CELSR1: variants seen among roughly 807,000 people sequenced by gnomAD.
CELSR1 encodes adhesion G protein-coupled receptor C1.
Under a neutral mutation model 249.1 loss-of-function variants are expected in CELSR1, and 110 were observed. The ratio of observed to expected loss-of-function variants is 0.44; its 90% confidence interval spans 0.38 to 0.52. The LOEUF is 0.52. CELSR1 is among the 20% of genes least tolerant of loss of function. The pLI, the probability that CELSR1 is intolerant of heterozygous loss-of-function variation, is 0.00. For synonymous variants in CELSR1, 2,113 were observed against 1,900.0 expected (o/e 1.11, Z -2.92); for missense variants, 4,109 against 4,296.4 (o/e 0.96, Z 1.22).
chr22:46,365,291 C>T lies in CELSR1; in HGVS notation c.8494G>A (p.Gly2832Arg). Residue 2832 changes from glycine to arginine, a missense_variant, in exon 32 of 35, where the codon GGG becomes AGG. Gly to Arg is a moderately radical substitution (Grantham distance 125, BLOSUM62 -2). Coordinates refer to ENST00000674500, the MANE Select transcript of CELSR1 (RefSeq NM_001378328.1). ...SSHSSDSEDD[G>R]VGAEEKWDPA... ...TCCCATTTTTCCTCAGCTCCCACCCCATCGTCCTCGCTGTCTGACGAGTGT... is the reference window on the plus strand; with the variant it reads ...TCCCATTTTTCCTCAGCTCCCACCCTATCGTCCTCGCTGTCTGACGAGTGT... 6.2e-7 allele frequency: 1 copy of T among 1,612,954 alleles called. No individual in the cohort carries two copies. Among genetic ancestry groups the T allele is most frequent in the South Asian group, 1.1e-5 (1 of 91,086 alleles).
In CELSR1 at chr22:46,364,755, G is replaced by C; in HGVS notation, c.8555-19C>G. On this transcript the variant is annotated intron_variant, in intron 32 of 34. Coordinates refer to ENST00000674500, the MANE Select transcript of CELSR1 (RefSeq NM_001378328.1). ...GCGTCCCCTGAGGCACGAGAGCGGT[G>C]CTCAGCAGGCAGCGGCACTGCCACT... The C allele has an allele frequency of 6.2e-7, 1 of 1,604,382 alleles. No homozygotes were observed. Among genetic ancestry groups the C allele is most frequent in the South Asian group, 1.1e-5 (1 of 90,368 alleles).
At position 46,381,860 on chromosome 22, in the gene CELSR1, G is replaced by A; in HGVS notation, c.7074C>T (p.Asp2358=). ...CCAGGCCTTACCGGAGGCTGCGACG[G>A]TCGGGGTCGTAGCGCTCGGGCAGGA... ...GQLLPERYDP[D]RRSLRLPHRP... Residue 2358 remains aspartate (D), a synonymous_variant, in exon 21 of 35, where the codon GAC becomes GAT. Coordinates refer to ENST00000674500, the MANE Select transcript of CELSR1 (RefSeq NM_001378328.1). This position sits in a 1 kb window ranked among gnomAD's most constrained non-coding sequence, Gnocchi z 6.0. 2 of 1,560,670 alleles carry A rather than the reference G, an allele frequency of 1.3e-6. No individual in the cohort carries two copies. The highest frequency in any genetic ancestry group is 2.4e-5 in the East Asian group (1 of 42,186).
chr22:46,376,993 G>C (rs1569114244), intron 24 of CELSR1, 68 bp downstream of exon 24: 6 of 1,540,214 alleles, frequency 3.9e-6, no homozygotes, highest in Non-Finnish European at 5.3e-6. Flanking sequence ...GGAGTGGCCA[G>C]GACAGGACTA....
Position 46,536,523 on chromosome 22 carries a change from C to A in CELSR1, c.648G>T (p.Pro216=), listed in dbSNP as rs747249392. The change falls in exon 1 of 35, where the codon CCG becomes CCT. Residue 216 remains proline (P), a synonymous_variant. Coordinates refer to ENST00000674500, the MANE Select transcript of CELSR1 (RefSeq NM_001378328.1). ...GTPSASPSPS[P]PLPPNLPEAR... is the part of the protein sequence containing the mutation. ...CTTCGGGCAAGTTCGGCGGCAGGGG[C>A]GGCGATGGGGATGGCGACGCGGAGG... 3 of 1,471,902 alleles carry A rather than the reference C, an allele frequency of 2.0e-6. No homozygotes were observed. Among genetic ancestry groups the A allele is most frequent in the Middle Eastern group, 1.8e-4 (1 of 5,444 alleles). 91.2% of individuals were successfully genotyped at this position (1,471,902 alleles called of 1,614,324 possible).
chr22:46,517,397 T>A lies in CELSR1; in HGVS notation c.3544+16230A>T, dbSNP rs914964201. Among the ~76,000 whole-genome samples, 1 of 152,220 alleles carries A rather than the reference T, an allele frequency of 6.6e-6. No homozygotes were observed. Among genetic ancestry groups the A allele is most frequent in the Non-Finnish European group, 1.5e-5 (1 of 68,048 alleles). ...CACCGGTTTCCTGCCTACGGGGTCA[T>A]CCCGGCCTGGTTTTCCCCCAAAACA... On this transcript the variant is annotated intron_variant, in intron 1 of 34. Transcript: ENST00000674500. The surrounding 1 kb of genome is among the most constrained non-coding windows in gnomAD (Gnocchi z 5.4).
Position 46,460,178 on chromosome 22 carries a change from A to AACACAC in CELSR1, c.4183+3523_4183+3528dup, listed in dbSNP as rs544352270. Among the ~76,000 whole-genome samples the AACACAC allele has an allele frequency of 3.6e-3, 372 of 103,034 alleles. 1 individual carries two copies. Among genetic ancestry groups the AACACAC allele is most frequent in the Middle Eastern group, 9.9e-3 (2 of 202 alleles). The allele number at this position is 103,034 out of a possible 152,430, so 67.6% of individuals were successfully genotyped here. A position where few individuals can be genotyped will look rare whatever the true frequency, so the allele number is the denominator to read the frequency against. On this transcript the variant is annotated intron_variant, in intron 2 of 34. Transcript: ENST00000674500. ...GTGACACAGTGAGACTCAGTCTCAAAACACACACACACACACACACACACA... is the reference window on the plus strand; with the variant it reads ...GTGACACAGTGAGACTCAGTCTCAAAACACACACACACACACACACACACACACACA...
At chr22:46,449,217 C>T (rs1156577360) in intron 2 of CELSR1, among the ~76,000 whole-genome samples, 2 of 151,672 alleles carry the variant, frequency 1.3e-5, no homozygotes, top group South Asian at 2.1e-4. Context: ...ATCCGACCAC[C>T]CATCACACAT....
intron 1 of CELSR1, among the ~76,000 whole-genome samples, chr22:46,485,096 C>T (rs952124184): frequency 6.6e-6 from 1 of 152,076 alleles, no homozygotes; most frequent in Admixed American, 6.6e-5. Flanking sequence ...GCAGGCCTCC[C>T]CGTGAAAACA....
Position 46,537,096 on chromosome 22 carries a change from C to T in CELSR1, c.75G>A (p.Gly25=). The T allele has an allele frequency of 1.9e-6, 2 of 1,042,368 alleles. No homozygotes were observed. Among genetic ancestry groups the T allele is most frequent in the Non-Finnish European group, 1.1e-6 (1 of 870,076 alleles). The allele number at this position is 1,042,368 out of a possible 1,614,324, so 64.6% of individuals were successfully genotyped here. The part of the protein sequence containing the change: ...LAAAAALPAM[G]LRAAAWEPRV... ...GCGGCTCCCAGGCGGCCGCTCGCAG[C>T]CCCATCGCCGGCAGGGCGGCGGCGG... is the stretch of plus-strand genomic sequence containing the variant. Residue 25 remains glycine (G), a synonymous_variant, in exon 1 of 35, where the codon GGG becomes GGA. Transcript: ENST00000674500. The surrounding 1 kb of genome is among the most constrained non-coding windows in gnomAD (Gnocchi z 5.8).
Position 46,411,090 on chromosome 22 carries a change from T to A in CELSR1, c.4769+512A>T, listed in dbSNP as rs1465218465. On this transcript the variant is annotated intron_variant, in intron 6 of 34. Coordinates refer to ENST00000674500, the MANE Select transcript of CELSR1 (RefSeq NM_001378328.1). This position sits in a 1 kb window ranked among gnomAD's most constrained non-coding sequence, Gnocchi z 4.2. ...GGTGCATGCCTGTAGTCCCAGCTAC[T>A]CGGGAGGCTGTGGCAGGAGGATGGC... Among the ~76,000 whole-genome samples, 3 of 152,128 alleles carry A rather than the reference T, an allele frequency of 2.0e-5. No homozygotes were observed. The highest frequency in any genetic ancestry group is 7.2e-5 in the African/African-American group (3 of 41,510).
intron 19 of CELSR1, 129 bp from the exon 20 acceptor site, chr22:46,384,815 A>C (rs1005328501): frequency 2.0e-6 from 2 of 1,017,174 alleles, no homozygotes; most frequent in East Asian, 5.7e-5. Flanking sequence ...TTTGAGGTGG[A>C]GTCTCGCAGT....
At chr22:46,404,466 G>C (rs8140573) in intron 9 of CELSR1, among the ~76,000 whole-genome samples, 18,695 of 152,070 alleles carry the variant, frequency 0.12, 1,538 homozygotes, top group African/African-American at 0.23. Context: ...TGCTAACCTA[G>C]AAATCTACTT....
chr22:46,410,620 C>G lies in CELSR1; in HGVS notation c.4770-59G>C, dbSNP rs112515960. On this transcript the variant is annotated intron_variant, in intron 6 of 34. Coordinates refer to ENST00000674500, the MANE Select transcript of CELSR1 (RefSeq NM_001378328.1). This position sits in a 1 kb window ranked among gnomAD's most constrained non-coding sequence, Gnocchi z 6.8. ...GGCGGGGAGAGGCGGCCACGGCGGG[C>G]TGGGCTCCGCAGTTGCCTCTGTGTA... is the stretch of plus-strand genomic sequence containing the variant. The G allele has an allele frequency of 7.6e-3, 11,980 of 1,573,902 alleles. 728 individuals carry two copies. The African/African-American group carries it at 0.14, about 18-fold the overall frequency.
rs916087739 is a variant in CELSR1 at position 46,527,005 on chromosome 22, C to T, written c.3544+6622G>A. On this transcript the variant is annotated intron_variant, in intron 1 of 34. Coordinates refer to ENST00000674500, the MANE Select transcript of CELSR1 (RefSeq NM_001378328.1). This position sits in a 1 kb window ranked among gnomAD's most constrained non-coding sequence, Gnocchi z 5.5. ...CCCAGAGCCAGTTTTTTCTGGAAGG[C>T]ACAGACAGGGAACATGCCTTAGGAG... Among the ~76,000 whole-genome samples the T allele has an allele frequency of 3.9e-5, 6 of 152,180 alleles. No individual in the cohort carries two copies. The highest frequency in any genetic ancestry group is 1.2e-4 in the African/African-American group (5 of 41,442).
At chr22:46,524,209 G>GT (rs1440763984) in intron 1 of CELSR1, among the ~76,000 whole-genome samples, 1 of 152,194 alleles carries the variant, frequency 6.6e-6, no homozygotes, top group Non-Finnish European at 1.5e-5. Flanking sequence ...TGGGGATCCT[G>GT]TAAGATTTCA....
At position 46,535,318 on chromosome 22, in the gene CELSR1, C is replaced by A. The variant is rs1463157041; in HGVS notation, c.1853G>T (p.Gly618Val). The change falls in exon 1 of 35, where the codon GGG (glycine) becomes GTG (valine). Residue 618 changes from glycine to valine, a missense_variant. Physicochemically the swap from Gly to Val is moderately radical, Grantham distance 109 (BLOSUM62 -3). Transcript: ENST00000674500. ...AGGGGTGGGGGCAGGATTCTTAGGC[C>A]CAGCGCTGCCGCCCCCCAGAAAGGT... ...ASTFLGGGSA[G>V]PKNPAPTPDF... 1.9e-6 allele frequency: 3 copies of A among 1,611,956 alleles called. No homozygotes were observed. Among genetic ancestry groups the A allele is most frequent in the Non-Finnish European group, 2.5e-6 (3 of 1,179,986 alleles).
At chr22:46,491,261 ACT>A (rs1491245173) in intron 1 of CELSR1, among the ~76,000 whole-genome samples, 11 of 106,146 alleles carry the variant, frequency 1.0e-4, no homozygotes, top group Admixed American at 2.2e-4. Context: ...CCAGAAAGTC[ACT>A]TTTTTTTTTT....
At position 46,391,892 on chromosome 22, in the gene CELSR1, G is replaced by A. The variant is rs891537331; in HGVS notation, c.5965-76C>T. On this transcript the variant is annotated intron_variant, in intron 14 of 34. Transcript: ENST00000674500. The surrounding 1 kb of genome is among the most constrained non-coding windows in gnomAD (Gnocchi z 4.3). Reference sequence around the variant, plus strand: ...CTACCTTGCAGCGTGTTTCCCGAGCGACGTCCAGACTCCCACCCGGGTGTG... The same window carrying A: ...CTACCTTGCAGCGTGTTTCCCGAGCAACGTCCAGACTCCCACCCGGGTGTG... 8 of 1,452,906 alleles carry A rather than the reference G, an allele frequency of 5.5e-6. No individual in the cohort carries two copies. Among genetic ancestry groups the A allele is most frequent in the Non-Finnish European group, 7.4e-6 (8 of 1,075,890 alleles). The allele number at this position is 1,452,906 out of a possible 1,614,324, so 90.0% of individuals were successfully genotyped here.
chr22:46,398,732 C>G lies in CELSR1; in HGVS notation c.5413-95G>C. The G allele has an allele frequency of 1.0e-6, 1 of 962,264 alleles. No individual in the cohort carries two copies. Among genetic ancestry groups the G allele is most frequent in the Non-Finnish European group, 1.6e-6 (1 of 644,500 alleles). 59.6% of individuals were successfully genotyped at this position (962,264 alleles called of 1,614,324 possible). On this transcript the variant is annotated intron_variant, in intron 10 of 34. Coordinates refer to ENST00000674500, the MANE Select transcript of CELSR1 (RefSeq NM_001378328.1). This position sits in a 1 kb window ranked among gnomAD's most constrained non-coding sequence, Gnocchi z 7.2. The stretch of plus-strand genomic sequence containing the variant: ...AGGATACACTGGAAGTCTAAACAGT[C>G]ACTTCAACAAACTCCGCAGAGCCTG...
Sources: allele counts gnomAD v4.1 joint callset (sites outside exome capture counted in the v4.1 genomes callset), GRCh38; gene constraint gnomAD v4.1.1; non-coding constraint Gnocchi (gnomAD v3.1); transcripts MANE v1.5; gene names NCBI Gene and HGNC (gene_info 2026-07-23, HGNC 2026-07-21).